Variants in RGS10 observed in about 807,000 individuals in gnomAD.
RGS10 encodes the protein regulator of G-protein signalling 10.
RGS10 carries 11 observed loss-of-function variants against 23.5 expected under a neutral mutation model. The ratio of observed to expected loss-of-function variants is 0.47; its 90% CI spans 0.29 to 0.77. The LOEUF (loss-of-function observed/expected upper bound fraction) is 0.77. Among genes scored for constraint, RGS10 ranks in the 30% least tolerant of loss-of-function variants. RGS10 has a pLI of 0.08. For missense variants in RGS10, 180 were observed against 226.3 expected, an observed-to-expected ratio of 0.80 and a Z score of 1.31; for synonymous variants, 77 against 83.2, an observed-to-expected ratio of 0.92 and a Z score of 0.41.
intron 1 of RGS10, among the ~76,000 whole-genome samples, chr10:119,534,304 TAAA>T (rs370365968): frequency 0.026 from 3,053 of 117,236 alleles, 67 homozygotes; most frequent in Non-Finnish European, 0.036. Flanking sequence ...AATAAATAAA[TAAA>T]AAAGGCCAGG....
chr10:119,527,263 G>T lies in RGS10; in HGVS notation c.168+43C>A. The stretch of plus-strand genomic sequence containing the variant: ...CTCCCCTGTGTGCATCTGAACTTCT[G>T]CACACACTGCATCCATCCCGATTAA... On this transcript the variant is annotated intron_variant, in intron 2 of 4. Transcript: ENST00000369103. This position sits in a 1 kb window ranked among gnomAD's most constrained non-coding sequence, Gnocchi z 4.2. 7.0e-7 allele frequency: 1 copy of T among 1,431,974 alleles called. No individual in the cohort carries two copies. The highest frequency in any genetic ancestry group is 9.8e-7 in the Non-Finnish European group (1 of 1,019,020). 88.7% of individuals were successfully genotyped at this position (1,431,974 alleles called of 1,614,324 possible).
At chr10:119,540,175 G>A (rs997460264) in intron 1 of RGS10, among the ~76,000 whole-genome samples, 2 of 152,122 alleles carry the variant, frequency 1.3e-5, no homozygotes, top group Non-Finnish European at 2.9e-5. Context: ...CTATTGGAGT[G>A]GAGGCATCCA....
At chr10:119,530,752 G>A (rs1371156358) in intron 1 of RGS10, among the ~76,000 whole-genome samples, 2 of 152,218 alleles carry the variant, frequency 1.3e-5, no homozygotes, top group African/African-American at 4.8e-5. Flanking sequence ...TTGAGCCCAG[G>A]AGTTCAAGGC....
At chr10:119,523,618 C>T (rs970256004) in intron 3 of RGS10, among the ~76,000 whole-genome samples, 1 of 152,062 alleles carries the variant, frequency 6.6e-6, no homozygotes, top group African/African-American at 2.4e-5. Context: ...TGAGCCAAGA[C>T]CTCACCACTG....
chr10:119,525,322 A>G (rs1844261863), intron 3 of RGS10, among the ~76,000 whole-genome samples: 1 of 152,218 alleles, frequency 6.6e-6, no homozygotes, highest in African/African-American at 2.4e-5. Context: ...CTGTGCAGGC[A>G]GACAGAACGT....
At chr10:119,520,809 C>CAAAAAAAA (rs58487462) in intron 3 of RGS10, among the ~76,000 whole-genome samples, 39 of 126,062 alleles carry the variant, frequency 3.1e-4, no homozygotes, top group African/African-American at 8.9e-4. Flanking sequence ...TCTCCAAAAG[C>CAAAAAAAA]AAAAAAAAAA....
chr10:119,515,921 A>G (rs952921284), intron 3 of RGS10, among the ~76,000 whole-genome samples: 3 of 152,248 alleles, frequency 2.0e-5, no homozygotes, highest in Non-Finnish European at 4.4e-5. Context: ...GATGACAGAA[A>G]GAATCCTGGC....
chr10:119,520,319 A>T (rs1844197942), intron 3 of RGS10, among the ~76,000 whole-genome samples: 1 of 152,242 alleles, frequency 6.6e-6, no homozygotes, highest in Non-Finnish European at 1.5e-5. Context: ...GAATGAAGCC[A>T]AGCCCCTGAA....
intron 3 of RGS10, among the ~76,000 whole-genome samples, chr10:119,518,444 A>C (rs1844170803): frequency 6.6e-6 from 1 of 152,206 alleles, no homozygotes; most frequent in South Asian, 2.1e-4. Flanking sequence ...CTCAACTGTG[A>C]CAATGCTCAG....
In RGS10 at chr10:119,527,334, TC is replaced by T. The variant is rs1432352385; in HGVS notation, c.139del (p.Glu47LysfsTer6). 1 of 1,614,028 alleles carries T rather than the reference TC, an allele frequency of 6.2e-7. No homozygotes were observed. Among genetic ancestry groups the T allele is most frequent in the African/African-American group, 1.3e-5 (1 of 74,948 alleles). Reference sequence around the variant, plus strand: ...AAATCTTTTCACGCCTTCTGGGTCTTCCAGCAGATTCTCCAGGGATGCCGCC... The same window carrying T: ...AAATCTTTTCACGCCTTCTGGGTCTTCAGCAGATTCTCCAGGGATGCCGCC... ...KWAASLENLL[E>X]DPEGVKRFRE... On this transcript the variant is annotated frameshift_variant, in exon 2 of 5. Transcript: ENST00000369103. LOFTEE classifies it high-confidence loss of function. This position sits in a 1 kb window ranked among gnomAD's most constrained non-coding sequence, Gnocchi z 4.2.
intron 3 of RGS10, among the ~76,000 whole-genome samples, 184 bp from the exon 4 acceptor site, chr10:119,515,836 C>T (rs1401711458): frequency 1.3e-5 from 2 of 152,188 alleles, no homozygotes; most frequent in Non-Finnish European, 2.9e-5. Flanking sequence ...CACTGCCAAG[C>T]CCCTACCCCC....
At chr10:119,536,376 C>G in intron 1 of RGS10, 1 of 1,247,784 alleles carries the variant, frequency 8.0e-7, no homozygotes, top group Non-Finnish European at 1.2e-6. Context: ...TGTGTCCTCA[C>G]AGCACACTCT....
chr10:119,532,303 C>T (rs990418773), intron 1 of RGS10, among the ~76,000 whole-genome samples: 2 of 152,178 alleles, frequency 1.3e-5, no homozygotes, highest in African/African-American at 2.4e-5. Flanking sequence ...AAGTCACTAT[C>T]CCCAGCCTCC....
At chr10:119,513,622 C>A (rs1251185150) in intron 4 of RGS10, among the ~76,000 whole-genome samples, 6 of 152,136 alleles carry the variant, frequency 3.9e-5, no homozygotes, top group African/African-American at 1.4e-4. Context: ...CAGCTCCGTT[C>A]TGAGCTGTTG....
At chr10:119,511,265 C>G (rs535887727) in intron 4 of RGS10, among the ~76,000 whole-genome samples, 1 of 152,288 alleles carries the variant, frequency 6.6e-6, no homozygotes, top group South Asian at 2.1e-4. Context: ...AGAGAACCAT[C>G]TCGCCACTTA....
At chr10:119,531,138 G>A (rs1177156920) in intron 1 of RGS10, among the ~76,000 whole-genome samples, 9 of 152,284 alleles carry the variant, frequency 5.9e-5, no homozygotes, top group African/African-American at 2.2e-4. Context: ...CTGCAGCAGG[G>A]TTCATTCTGC....
chr10:119,508,069 C>T (rs1844035523), intron 4 of RGS10, among the ~76,000 whole-genome samples: 1 of 152,158 alleles, frequency 6.6e-6, no homozygotes, highest in Admixed American at 6.5e-5. Flanking sequence ...ACGATCTCGG[C>T]TCACTGCAAC....
intron 4 of RGS10, among the ~76,000 whole-genome samples, chr10:119,502,301 G>C (rs2133943513): frequency 6.6e-6 from 1 of 152,242 alleles, no homozygotes; most frequent in East Asian, 1.9e-4. Context: ...GTCCCCAAGG[G>C]GAAACTTTCA....
chr10:119,513,200 G>T (rs964681991), intron 4 of RGS10, among the ~76,000 whole-genome samples: 2 of 152,124 alleles, frequency 1.3e-5, no homozygotes, highest in Non-Finnish European at 2.9e-5. Context: ...GCTCTTGCCT[G>T]TAATCCCAAC....
Sources: allele counts gnomAD v4.1 joint callset (sites outside exome capture counted in the v4.1 genomes callset), GRCh38; gene constraint gnomAD v4.1.1; non-coding constraint Gnocchi (gnomAD v3.1); transcripts MANE v1.5; gene names NCBI Gene and HGNC (gene_info 2026-07-23, HGNC 2026-07-21).